The following GOLM1 variants were observed in gnomAD, a reference collection of about 807,000 sequenced individuals.
GOLM1 encodes epididymis luminal protein 46.
A neutral mutation model predicts 50.5 loss-of-function variants in GOLM1; 31 were observed. The ratio of observed to expected loss-of-function variants is 0.61; its 90% CI spans 0.46 to 0.83. The LOEUF (loss-of-function observed/expected upper bound fraction) is 0.83, where lower values mean the gene tolerates loss of function less well. Among genes scored for constraint, GOLM1 ranks in the 40% least tolerant of loss-of-function variants. The pLI is 0.00. For missense variants in GOLM1, 491 were observed against 501.3 expected (o/e 0.98, Z 0.20); for synonymous variants, 178 against 192.8 (o/e 0.92, Z 0.64).
At chr9:86,057,803 G>T (rs570218424) in intron 3 of GOLM1, among the ~76,000 whole-genome samples, 8 of 152,190 alleles carry the variant, frequency 5.3e-5, no homozygotes, top group Admixed American at 4.6e-4. Flanking sequence ...GGAGACTGGC[G>T]GCTCTGTCCC....
chr9:86,033,925 T>G (rs1259382933), intron 8 of GOLM1, among the ~76,000 whole-genome samples: 4 of 152,120 alleles, frequency 2.6e-5, no homozygotes, highest in African/African-American at 4.8e-5. Flanking sequence ...AGGGTTTAAC[T>G]TACATATTTT....
At chr9:86,047,890 T>A (rs948536490) in intron 4 of GOLM1, among the ~76,000 whole-genome samples, 17 of 152,338 alleles carry the variant, frequency 1.1e-4, no homozygotes, top group Admixed American at 2.6e-4. Flanking sequence ...TATTATTTTT[T>A]AATTATACTT....
intron 3 of GOLM1, among the ~76,000 whole-genome samples, chr9:86,076,645 C>T (rs1166221930): frequency 6.6e-6 from 1 of 151,716 alleles, no homozygotes; most frequent in African/African-American, 2.4e-5. Context: ...GCAGGTGGAT[C>T]ACGAGGTCAA....
At chr9:86,029,822 A>T (rs1284149036) in intron 9 of GOLM1, among the ~76,000 whole-genome samples, 1 of 152,242 alleles carries the variant, frequency 6.6e-6, no homozygotes, top group African/African-American at 2.4e-5. Context: ...ACCTTGCACA[A>T]GGTCAAGTCC....
In GOLM1 at chr9:86,052,581, A is replaced by C. The variant is rs775121958; in HGVS notation, c.320T>G (p.Val107Gly). Reference protein sequence around the residue: ...KLYQDEKAVLVNNITTGERLI... With the variant: ...KLYQDEKAVLGNNITTGERLI... ...CCTCTCACCTGTGGTGATGTTATTC[A>C]CCAAAACCGCCTGCAACGAAGATAA... Residue 107 changes from valine to glycine, a missense_variant, in exon 4 of 10, where the codon GTG becomes GGG. By Grantham distance (109) the Val-to-Gly change is moderately radical (BLOSUM62 -3). Transcript: ENST00000388712. 6.2e-7 allele frequency: 1 copy of C among 1,613,570 alleles called. No individual in the cohort carries two copies.
At position 86,035,866 on chromosome 9, in the gene GOLM1, C is replaced by CAAAAAAAAAAAAAAA. The variant is rs1276980708; in HGVS notation, c.758-242_758-241insTTTTTTTTTTTTTTT. Among the ~76,000 whole-genome samples, 92 of 46,686 alleles carry CAAAAAAAAAAAAAAA rather than the reference C, an allele frequency of 2.0e-3. 3 individuals carry two copies. Among genetic ancestry groups the CAAAAAAAAAAAAAAA allele is most frequent in the Admixed American group, 2.4e-3 (9 of 3,772 alleles). The allele number at this position is 46,686 out of a possible 152,430, so 30.6% of individuals were successfully genotyped here. On this transcript the variant is annotated intron_variant, in intron 7 of 9. Transcript: ENST00000388712. ...CGCGACAAAGGGAAAAGTAGCTTACCAAAAAAAAAAACAAAACAAAAAAAA... is the reference window on the plus strand; with the variant it reads ...CGCGACAAAGGGAAAAGTAGCTTACCAAAAAAAAAAAAAAAAAAAAAAAAAACAAAACAAAAAAAA...
chr9:86,084,601 T>C (rs994126538), intron 1 of GOLM1, among the ~76,000 whole-genome samples: 6 of 152,204 alleles, frequency 3.9e-5, no homozygotes, highest in African/African-American at 1.4e-4. Flanking sequence ...GGGTAAAGGG[T>C]ATATAGGAAC....
chr9:86,094,177 T>A (rs1356344465), intron 1 of GOLM1, among the ~76,000 whole-genome samples: 2 of 140,830 alleles, frequency 1.4e-5, no homozygotes, highest in Non-Finnish European at 3.1e-5. Context: ...TTTTTTTTTT[T>A]AAAGTTTTAC....
Position 86,089,802 on chromosome 9 carries a change from C to T in GOLM1, c.-22+9609G>A, listed in dbSNP as rs1190634436. Among the ~76,000 whole-genome samples, 6 of 152,138 alleles carry T rather than the reference C, an allele frequency of 3.9e-5. No individual in the cohort carries two copies. The East Asian group carries it at 5.8e-4, about 15-fold the overall frequency. On this transcript the variant is annotated intron_variant, in intron 1 of 9. Transcript: ENST00000388712. ...CTGTCCAGTTTTGTTCCCTTGCTGG[C>T]GAGGAGGTGTGATCCTTTGGAGGAG... is the stretch of plus-strand genomic sequence containing the variant.
intron 4 of GOLM1, among the ~76,000 whole-genome samples, chr9:86,050,705 T>C (rs1338509308): frequency 1.3e-5 from 2 of 152,222 alleles, no homozygotes; most frequent in African/African-American, 4.8e-5. Context: ...GGATCGGTGG[T>C]GATATCCCCT....
At chr9:86,089,656 T>G (rs1587742843) in intron 1 of GOLM1, among the ~76,000 whole-genome samples, 1 of 152,280 alleles carries the variant, frequency 6.6e-6, no homozygotes, top group East Asian at 1.9e-4. Flanking sequence ...TAGCAATTCC[T>G]CTAAACTTTT....
intron 5 of GOLM1, among the ~76,000 whole-genome samples, chr9:86,042,103 C>A (rs143440080): frequency 6.6e-6 from 1 of 152,066 alleles, no homozygotes; most frequent in Admixed American, 6.6e-5. Context: ...GGCGACAGAG[C>A]GAGACTCCGT....
intron 3 of GOLM1, among the ~76,000 whole-genome samples, chr9:86,055,338 T>C (rs1335458963): frequency 6.6e-6 from 1 of 152,010 alleles, no homozygotes. Context: ...ATCCACACAG[T>C]AGGAATCAGA....
intron 3 of GOLM1, among the ~76,000 whole-genome samples, chr9:86,060,247 G>A (rs559292471): frequency 6.6e-6 from 1 of 152,130 alleles, no homozygotes; most frequent in Admixed American, 6.5e-5. Flanking sequence ...GCTAGGGACA[G>A]CAAGTTCCAG....
intron 3 of GOLM1, among the ~76,000 whole-genome samples, chr9:86,055,299 G>A (rs930652478): frequency 6.6e-6 from 1 of 152,100 alleles, no homozygotes; most frequent in Non-Finnish European, 1.5e-5. Flanking sequence ...GGGATTTTGC[G>A]GGGAGAGAGA....
At chr9:86,035,655 T>C (rs1235001595) in intron 7 of GOLM1, 30 bp from the exon 8 acceptor site, 2 of 1,372,476 alleles carry the variant, frequency 1.5e-6, no homozygotes, top group East Asian at 2.4e-5. Context: ...AGCTGTGACC[T>C]TGCCAGCATT....
At chr9:86,037,142 C>T (rs964409563) in intron 6 of GOLM1, among the ~76,000 whole-genome samples, 9 of 152,220 alleles carry the variant, frequency 5.9e-5, no homozygotes, top group Admixed American at 1.3e-4. Context: ...CAGCCAGGCG[C>T]GGTGGCGCAC....
In GOLM1 at chr9:86,026,273, C is replaced by T. The variant is rs1339830748; in HGVS notation, c.*1544G>A. 1.0e-6 allele frequency: 1 copy of T among 985,112 alleles called. No individual in the cohort carries two copies. The highest frequency in any genetic ancestry group is 4.7e-5 in the South Asian group (1 of 21,266). 61.0% of individuals were successfully genotyped at this position (985,112 alleles called of 1,614,324 possible). ...ACCCCAAGGAGGACTCAAAGTGAGGCTGGAAGAGGACTTAGAAGAGTATGA... is the reference window on the plus strand; with the variant it reads ...ACCCCAAGGAGGACTCAAAGTGAGGTTGGAAGAGGACTTAGAAGAGTATGA... On this transcript the variant is annotated 3_prime_UTR_variant, in exon 10 of 10. Coordinates refer to ENST00000388712, the MANE Select transcript of GOLM1 (RefSeq NM_016548.4).
At chr9:86,050,522 T>C (rs1587708914) in intron 4 of GOLM1, among the ~76,000 whole-genome samples, 2 of 152,216 alleles carry the variant, frequency 1.3e-5, no homozygotes, top group South Asian at 4.1e-4. Flanking sequence ...GGCTATTAAT[T>C]ATTGCCTTAA....
Sources: gnomAD v4.1 joint callset for allele counts (sites outside exome capture counted in the v4.1 genomes callset) on GRCh38, gnomAD v4.1.1 for gene constraint, MANE v1.5 for transcripts, NCBI Gene and HGNC (gene_info 2026-07-23, HGNC 2026-07-21) for gene names.